Variants in OSBPL9 observed in about 807,000 individuals in gnomAD.
The protein encoded by OSBPL9 is oxysterol-binding protein-related protein 9.
Under a neutral mutation model 106.6 loss-of-function variants are expected in OSBPL9, and 40 were observed. The ratio of observed to expected loss-of-function variants is 0.38; its 90% CI spans 0.29 to 0.49. OSBPL9 has a LOEUF of 0.49. OSBPL9 is among the 20% of genes least tolerant of loss of function. The probability of loss-of-function intolerance (pLI) is 0.97; values close to 1 mark genes in which losing one functional copy is unlikely to be tolerated. For missense variants in OSBPL9, 609 were observed against 887.2 expected, an observed-to-expected ratio of 0.69 and a Z score of 3.98; for synonymous variants, 269 against 295.4, an observed-to-expected ratio of 0.91 and a Z score of 0.92.
Position 51,761,924 on chromosome 1 carries a change from T to C in OSBPL9, c.731T>C (p.Val244Ala), listed in dbSNP as rs1330190163. 4 of 1,613,686 alleles carry C rather than the reference T, an allele frequency of 2.5e-6. No individual in the cohort carries two copies. The African/African-American group carries it at 5.3e-5, about 22-fold the overall frequency. The change falls in exon 11 of 24, where the codon GTG (valine) becomes GCG (alanine). Residue 244 changes from valine to alanine, a missense_variant. Transcript: ENST00000428468. ...CCATCTTCCCTACCAGTTGGACCTG[T>C]GTTGGCTACCTTGGGACATCATCAG... ...QRPSSLPVGP[V>A]LATLGHHQTP...
At chr1:51,646,882 A>G (rs1167989320) in intron 1 of OSBPL9, among the ~76,000 whole-genome samples, 8 of 152,122 alleles carry the variant, frequency 5.3e-5, no homozygotes, top group African/African-American at 7.2e-5. Context: ...AAACAGAAAT[A>G]CTTTAAACTC....
chr1:51,541,531 C>T, the OSBPL9 span, among the ~76,000 whole-genome samples: 1 of 152,186 alleles, frequency 6.6e-6, no homozygotes, highest in African/African-American at 2.4e-5. Flanking sequence ...TTGTCCAACT[C>T]ATATTTTAGG....
chr1:51,625,382 A>G (rs1644706855), intron 1 of OSBPL9, among the ~76,000 whole-genome samples: 1 of 152,236 alleles, frequency 6.6e-6, no homozygotes, highest in Admixed American at 6.5e-5. Flanking sequence ...GGTAATCCCG[A>G]TCAAAACTAG....
chr1:51,552,484 G>A, the OSBPL9 span, among the ~76,000 whole-genome samples: 1 of 152,184 alleles, frequency 6.6e-6, no homozygotes, highest in African/African-American at 2.4e-5. Context: ...TTGAACTCAA[G>A]CAGTCTAGCT....
At chr1:51,601,738 C>T (rs1557581258) in intron 2 of OSBPL9, among the ~76,000 whole-genome samples, 1 of 152,122 alleles carries the variant, frequency 6.6e-6, no homozygotes, top group Non-Finnish European at 1.5e-5. Flanking sequence ...CCCTTCTTAC[C>T]TTCCTAGGAA....
the OSBPL9 span, chr1:51,567,256 C>T: frequency 1.3e-5 from 2 of 152,232 alleles, no homozygotes; most frequent in Non-Finnish European, 2.9e-5. Context: ...TAGGTAGTCA[C>T]TTTGCTTGAC....
At chr1:51,733,785 A>G (rs925849549) in intron 4 of OSBPL9, among the ~76,000 whole-genome samples, 1 of 147,096 alleles carries the variant, frequency 6.8e-6, no homozygotes, top group African/African-American at 2.5e-5. Context: ...AAAAACAAAC[A>G]AAAAAAAAAG....
intron 2 of OSBPL9, among the ~76,000 whole-genome samples, chr1:51,663,295 AGTGTGTGTGTGT>A (rs10544368): frequency 6.7e-6 from 1 of 148,706 alleles, no homozygotes; most frequent in African/African-American, 2.5e-5. Flanking sequence ...TATGCTGGCA[AGTGTGTGTGTGT>A]GTGTGTGTGT....
chr1:51,746,245 T>A (rs1313968201), intron 5 of OSBPL9, among the ~76,000 whole-genome samples: 1 of 152,188 alleles, frequency 6.6e-6, no homozygotes, highest in Non-Finnish European at 1.5e-5. Context: ...CCCTGCCTAG[T>A]GGCTCAATTT....
chr1:51,591,085 A>T (rs188730255), intron 1 of OSBPL9, among the ~76,000 whole-genome samples: 5,993 of 151,866 alleles, frequency 0.039, 168 homozygotes, highest in Non-Finnish European at 0.062. Context: ...AGCCCAGCTA[A>T]TTTTTTGTAT....
In OSBPL9 at chr1:51,729,168, C is replaced by G. The variant is rs1380918231; in HGVS notation, c.318+15089C>G. On this transcript the variant is annotated intron_variant, in intron 4 of 23. Coordinates refer to ENST00000428468, the MANE Select transcript of OSBPL9 (RefSeq NM_024586.6). This position sits in a 1 kb window ranked among gnomAD's most constrained non-coding sequence, Gnocchi z 5.1. ...TCCTTATGGAGCTGTGGCACAACAG[C>G]AAGCCCACGATGTCTCACCGGATTA... 1 of 152,222 alleles carries G rather than the reference C, an allele frequency of 6.6e-6. No individual in the cohort carries two copies. Among genetic ancestry groups the G allele is most frequent in the African/African-American group, 2.4e-5 (1 of 41,430 alleles). The allele number at this position is 152,222 out of a possible 1,614,324, so 9.4% of individuals were successfully genotyped here.
intron 11 of OSBPL9, among the ~76,000 whole-genome samples, chr1:51,765,190 A>G (rs11205886): frequency 0.057 from 8,667 of 152,176 alleles, 467 homozygotes; most frequent in African/African-American, 0.14. Context: ...TAGTTAGACT[A>G]TTTAGGAATA....
At chr1:51,753,060 G>T (rs1366025125) in intron 8 of OSBPL9, among the ~76,000 whole-genome samples, 1 of 152,130 alleles carries the variant, frequency 6.6e-6, no homozygotes, top group African/African-American at 2.4e-5. Context: ...GCATGGTTTA[G>T]TATTTTCACT....
At chr1:51,785,502 C>T (rs1283992583) in intron 20 of OSBPL9, 1 of 319,750 alleles carries the variant, frequency 3.1e-6, no homozygotes, top group African/African-American at 2.2e-5. Flanking sequence ...GTGGTTACGT[C>T]TCTCTCCACT....
intron 3 of OSBPL9, among the ~76,000 whole-genome samples, chr1:51,680,186 C>G (rs1398451509): frequency 6.6e-6 from 1 of 151,908 alleles, no homozygotes; most frequent in Non-Finnish European, 1.5e-5. Flanking sequence ...ACCCGGGAGG[C>G]AGAGGTTGCA....
the OSBPL9 span, among the ~76,000 whole-genome samples, chr1:51,551,068 A>T: frequency 2.6e-5 from 4 of 152,222 alleles, no homozygotes; most frequent in Non-Finnish European, 5.9e-5. Flanking sequence ...AAGCCCCAAG[A>T]GGCAGTGTGA....
rs1479880287 is a variant in OSBPL9, at chr1:51,729,638, G to A, written c.318+15559G>A. ...CCGCTGCGCACCCCTCCCGCGAGCT[G>A]CCAGCTCCCTCGGCCTCTCCACCCA... On this transcript the variant is annotated intron_variant, in intron 4 of 23. Coordinates refer to ENST00000428468, the MANE Select transcript of OSBPL9 (RefSeq NM_024586.6). The surrounding 1 kb of genome is among the most constrained non-coding windows in gnomAD (Gnocchi z 5.1). 2 of 276,808 alleles carry A rather than the reference G, an allele frequency of 7.2e-6. No individual in the cohort carries two copies. Among genetic ancestry groups the A allele is most frequent in the Non-Finnish European group, 1.3e-5 (2 of 157,420 alleles). 17.1% of individuals were successfully genotyped at this position (276,808 alleles called of 1,614,324 possible). A position where few individuals can be genotyped will look rare whatever the true frequency, so the allele number is the denominator to read the frequency against.
At chr1:51,786,006 C>A (rs1464176616) in intron 21 of OSBPL9, 120 bp downstream of exon 21, 12 of 884,410 alleles carry the variant, frequency 1.4e-5, no homozygotes, top group Non-Finnish European at 2.1e-5. Context: ...TATATTAGAG[C>A]TGGAACTTTA....
chr1:51,682,484 G>C (rs1195800846), intron 3 of OSBPL9, among the ~76,000 whole-genome samples: 1 of 152,110 alleles, frequency 6.6e-6, no homozygotes, highest in African/African-American at 2.4e-5. Flanking sequence ...GTGTGGCCGG[G>C]TGCGGTGTCT....
Sources: allele counts gnomAD v4.1 joint callset (sites outside exome capture counted in the v4.1 genomes callset), GRCh38; gene constraint gnomAD v4.1.1; non-coding constraint Gnocchi (gnomAD v3.1); transcripts MANE v1.5; gene names NCBI Gene and HGNC (gene_info 2026-07-23, HGNC 2026-07-21).